EIF4A3: variants seen among roughly 807,000 people sequenced by gnomAD.
EIF4A3 encodes eukaryotic translation initiation factor 4A3, also known as eukaryotic initiation factor 4A-III.
In EIF4A3, 1 loss-of-function variant was observed where a neutral mutation model predicts 55.6. The ratio of observed to expected loss-of-function variants is 0.02; its 90% CI spans 0.01 to 0.09. EIF4A3 has a LOEUF of 0.09. EIF4A3 is among the 10% of genes least tolerant of loss of function. The pLI, the probability that EIF4A3 is intolerant of heterozygous loss-of-function variation, is 1.00. For missense variants in EIF4A3, 221 were observed against 540.7 expected (o/e 0.41, Z 5.86); for synonymous variants, 194 against 196.3 (o/e 0.99, Z 0.10).
intron 8 of EIF4A3, 40 bp downstream of exon 8, chr17:80,138,102 G>A (rs868108374): frequency 6.3e-7 from 1 of 1,591,666 alleles, no homozygotes. Flanking sequence ...TCAATCTGCA[G>A]TTTCCCTTCA....
chr17:80,144,123 G>T, intron 2 of EIF4A3, 49 bp downstream of exon 2: 1 of 1,579,334 alleles, frequency 6.3e-7, no homozygotes. Context: ...ACTGCACTGC[G>T]CTGCCCAAAT....
At chr17:80,140,260 C>G (rs185376089) in intron 4 of EIF4A3, 120 bp from the exon 5 acceptor site, 1 of 1,220,224 alleles carries the variant, frequency 8.2e-7, no homozygotes, top group South Asian at 2.4e-5. Context: ...ATTATTATCT[C>G]GAAACCACAA....
intron 9 of EIF4A3, chr17:80,136,639 T>C: frequency 3.1e-6 from 1 of 322,772 alleles, no homozygotes; most frequent in South Asian, 7.5e-5. Context: ...TTGGGAAAAA[T>C]ACTTCACTTT....
chr17:80,141,378 G>A lies in EIF4A3; in HGVS notation c.313C>T (p.Arg105Cys), dbSNP rs777906183. The change falls in exon 4 of 12, where the codon CGT becomes TGT. Residue 105 changes from arginine (R) to cysteine (C), a missense_variant. Arg to Cys is a radical substitution (Grantham distance 180, BLOSUM62 -3). Coordinates refer to ENST00000649764, the MANE Select transcript of EIF4A3 (RefSeq NM_014740.4). ...SVLQCLDIQV[R>C]ETQALILAPT... Reference sequence around the variant, plus strand: ...GCCAAGATCAAAGCTTGAGTTTCACGAACCTGGTGAAATAATTTATCAGAA... The same window carrying A: ...GCCAAGATCAAAGCTTGAGTTTCACAAACCTGGTGAAATAATTTATCAGAA... The A allele has an allele frequency of 3.7e-6, 6 of 1,613,458 alleles. No homozygotes were observed. The highest frequency in any genetic ancestry group is 2.2e-5 in the South Asian group (2 of 91,052).
At chr17:80,142,455 A>G (rs2039625745) in intron 2 of EIF4A3, among the ~76,000 whole-genome samples, 1 of 152,154 alleles carries the variant, frequency 6.6e-6, no homozygotes, top group South Asian at 2.1e-4. Context: ...TGAGTCATAA[A>G]GACCCTCATG....
At chr17:80,139,855 CAG>C in intron 5 of EIF4A3, 105 bp from the exon 6 acceptor site, 1 of 1,496,470 alleles carries the variant, frequency 6.7e-7, no homozygotes. Context: ...CCACTGGTCT[CAG>C]GGTTCCAGAG....
intron 1 of EIF4A3, among the ~76,000 whole-genome samples, chr17:80,144,889 G>A (rs1469529734): frequency 1.3e-5 from 2 of 152,216 alleles, no homozygotes; most frequent in East Asian, 1.9e-4. Flanking sequence ...ACCAAAGGGT[G>A]AGGCTATTTT....
intron 4 of EIF4A3, chr17:80,140,413 A>C: frequency 3.6e-6 from 1 of 280,970 alleles, no homozygotes; most frequent in Non-Finnish European, 6.6e-6. Context: ...TCCAGGGTTC[A>C]CGCCATTCTC....
At chr17:80,135,964 G>A in intron 11 of EIF4A3, 40 bp downstream of exon 11, 8 of 1,596,766 alleles carry the variant, frequency 5.0e-6, no homozygotes, top group South Asian at 1.1e-5. Context: ...GAATAGGGAA[G>A]TTCCCTCTAC....
chr17:80,136,223 C>G lies in EIF4A3; in HGVS notation c.1091+5G>C, dbSNP rs2039568967. 1 of 1,613,262 alleles carries G rather than the reference C, an allele frequency of 6.2e-7. No individual in the cohort carries two copies. The highest frequency in any genetic ancestry group is 1.7e-5 in the Admixed American group (1 of 59,970). The stretch of plus-strand genomic sequence containing the variant: ...AAGTGAAGCCAATGAGAGCTTGCAC[C>G]TTACCTGTGTATGTACAATTCTCTG... On this transcript the variant is annotated splice_donor_5th_base_variant and intron_variant, in intron 10 of 11. Coordinates refer to ENST00000649764, the MANE Select transcript of EIF4A3 (RefSeq NM_014740.4).
intron 6 of EIF4A3, chr17:80,139,431 C>G (rs1332428275): frequency 1.6e-6 from 1 of 608,096 alleles, no homozygotes; most frequent in East Asian, 2.9e-5. Context: ...AAACCCACCC[C>G]GAGAGTCCTA....
At chr17:80,140,166 C>A in intron 4 of EIF4A3, 26 bp from the exon 5 acceptor site, 1 of 1,558,748 alleles carries the variant, frequency 6.4e-7, no homozygotes. Flanking sequence ...GGTTCACGTC[C>A]AGGGTGGGAG....
At chr17:80,138,003 C>T in intron 8 of EIF4A3, 139 bp downstream of exon 8, 1 of 1,155,728 alleles carries the variant, frequency 8.7e-7, no homozygotes, top group Non-Finnish European at 1.2e-6. Flanking sequence ...TCTACAGCTG[C>T]TTTTACAAGA....
At position 80,139,741 on chromosome 17, in the gene EIF4A3, C is replaced by T. The variant is rs1247723909; in HGVS notation, c.515G>A (p.Arg172His). 8 of 1,613,190 alleles carry T rather than the reference C, an allele frequency of 5.0e-6. No individual in the cohort carries two copies. In the South Asian group the frequency reaches 5.5e-5, roughly 11 times the overall value. Reference protein sequence around the residue: ...GTPGRVFDMIRRRSLRTRAIK... With the variant: ...GTPGRVFDMIHRRSLRTRAIK... ...AGCACGTGTCCTTAGGCTTCTGCGA[C>T]GAATCATATCTATAACATGAGATTT... The change falls in exon 6 of 12, where the codon CGT (arginine) becomes CAT (histidine). Residue 172 changes from arginine to histidine, a missense_variant. Transcript: ENST00000649764.
At position 80,136,350 on chromosome 17, in the gene EIF4A3, AGT is replaced by A; in HGVS notation, c.984-17_984-16del. On this transcript the variant is annotated splice_polypyrimidine_tract_variant and intron_variant, in intron 9 of 11. Coordinates refer to ENST00000649764, the MANE Select transcript of EIF4A3 (RefSeq NM_014740.4). ...TAAGCACTCGGCTGCAAAAAGAAAGAGTGTTTGAGGCGATTAAATTACTCATA... is the reference window on the plus strand; with the variant it reads ...TAAGCACTCGGCTGCAAAAAGAAAGAGTTTGAGGCGATTAAATTACTCATA... 1 of 1,602,974 alleles carries A rather than the reference AGT, an allele frequency of 6.2e-7. No individual in the cohort carries two copies.
intron 4 of EIF4A3, among the ~76,000 whole-genome samples, chr17:80,140,905 T>G (rs2039612393): frequency 6.6e-6 from 1 of 151,906 alleles, no homozygotes; most frequent in Non-Finnish European, 1.5e-5. Context: ...CAAGTGATTC[T>G]CCTGCTCAGC....
rs777927648 is a variant in EIF4A3 at position 80,138,211 on chromosome 17, G to A, written c.798C>T (p.Asp266=). 15 of 1,614,122 alleles carry A rather than the reference G, an allele frequency of 9.3e-6. No homozygotes were observed. The East Asian group carries it at 2.7e-4, about 29-fold the overall frequency. ...GTGTGTCGTAGAGGTCACACAGAGT[G>A]TCAAATTTCCACTCTTCCCTCTCCA... ...VAVEREEWKF[D]TLCDLYDTLT... is the part of the protein sequence containing the mutation. The change falls in exon 8 of 12, where the codon GAC becomes GAT. Residue 266 remains aspartate (D), a synonymous_variant. Transcript: ENST00000649764.
chr17:80,144,248 C>A lies in EIF4A3; in HGVS notation c.170-4G>T, dbSNP rs1173295098. 1 of 1,613,806 alleles carries A rather than the reference C, an allele frequency of 6.2e-7. No homozygotes were observed. The highest frequency in any genetic ancestry group is 1.7e-5 in the Admixed American group (1 of 59,984). On this transcript the variant is annotated splice_region_variant and splice_polypyrimidine_tract_variant and intron_variant, in intron 1 of 11. Coordinates refer to ENST00000649764, the MANE Select transcript of EIF4A3 (RefSeq NM_014740.4). ...ATTGCTGATGGTTTTTCAAAACCTG[C>A]AAATAAAAACAAAAAATTAGCCCTC...
At chr17:80,139,482 C>A in intron 6 of EIF4A3, 188 bp downstream of exon 6, 1 of 649,694 alleles carries the variant, frequency 1.5e-6, no homozygotes, top group Non-Finnish European at 2.6e-6. Context: ...CTGAGTCACC[C>A]ACAATGAACA....
Sources: gnomAD v4.1 joint callset for allele counts (sites outside exome capture counted in the v4.1 genomes callset) on GRCh38, gnomAD v4.1.1 for gene constraint, MANE v1.5 for transcripts, NCBI Gene and HGNC (gene_info 2026-07-23, HGNC 2026-07-21) for gene names.